TRIM44: variants seen among roughly 807,000 people sequenced by gnomAD.
The protein encoded by TRIM44 is tripartite motif containing 44.
Under a neutral mutation model 37.4 loss-of-function variants are expected in TRIM44, and 13 were observed. The observed-to-expected ratio is 0.35, with a 90% CI of 0.23 to 0.55. The LOEUF is 0.55. Ranked by LOEUF, TRIM44 falls within the 20% of genes least tolerant of loss-of-function variation. The probability of loss-of-function intolerance (pLI) is 0.89; values close to 1 mark genes in which losing one functional copy is unlikely to be tolerated. For missense variants in TRIM44, 426 were observed against 437.2 expected, an observed-to-expected ratio of 0.97 and a Z score of 0.23; for synonymous variants, 175 against 157.2, an observed-to-expected ratio of 1.11 and a Z score of -0.85.
At chr11:35,755,332 G>C (rs955400258) in intron 4 of TRIM44, among the ~76,000 whole-genome samples, 1 of 150,354 alleles carries the variant, frequency 6.7e-6, no homozygotes, top group African/African-American at 2.4e-5. Flanking sequence ...CATATCTTTT[G>C]CCCACTTGTT....
chr11:35,664,959 T>C (rs1194629906), intron 1 of TRIM44, among the ~76,000 whole-genome samples: 5 of 152,360 alleles, frequency 3.3e-5, no homozygotes, highest in African/African-American at 1.2e-4. Context: ...TATTTGAACT[T>C]GACACTATGG....
chr11:35,704,572 A>G (rs1043436812), intron 2 of TRIM44, among the ~76,000 whole-genome samples: 21 of 152,180 alleles, frequency 1.4e-4, no homozygotes, highest in African/African-American at 5.1e-4. Flanking sequence ...CTCGGCAGAA[A>G]CTCTACAAGC....
intron 4 of TRIM44, among the ~76,000 whole-genome samples, chr11:35,757,537 C>T (rs186416952): frequency 9.9e-4 from 150 of 152,268 alleles, no homozygotes; most frequent in African/African-American, 3.5e-3. Context: ...TTGCCTTCTG[C>T]TAACTTTTGA....
intron 4 of TRIM44, among the ~76,000 whole-genome samples, chr11:35,781,028 G>T (rs1469798809): frequency 6.6e-6 from 1 of 152,176 alleles, no homozygotes; most frequent in East Asian, 1.9e-4. Context: ...TGATAGTCAT[G>T]TGAGAAAGCA....
rs112299891 is a variant in TRIM44 at position 35,717,829 on chromosome 11, ATT to A, written c.748-8084_748-8083del. On this transcript the variant is annotated intron_variant, in intron 2 of 4. Coordinates refer to ENST00000299413, the MANE Select transcript of TRIM44 (RefSeq NM_017583.6). Reference sequence around the variant, plus strand: ...AAGTAGCTGAATTTCTCAGAGCCTCATTTTTTTTTTTTATTATAAAAAATGAA... The same window carrying A: ...AAGTAGCTGAATTTCTCAGAGCCTCATTTTTTTTTTATTATAAAAAATGAA... Among the ~76,000 whole-genome samples, 240 of 146,304 alleles carry A rather than the reference ATT, an allele frequency of 1.6e-3. 2 individuals carry two copies. The highest frequency in any genetic ancestry group is 5.8e-3 in the African/African-American group (233 of 40,270).
rs559167701 is a variant in TRIM44 at position 35,755,581 on chromosome 11, T to C, written c.1007+20136T>C. ...GTTTTAGACATGAAGTCCTTGCCCA[T>C]GCCTATATCCTGAATGGTAATGCCT... is the stretch of plus-strand genomic sequence containing the variant. On this transcript the variant is annotated intron_variant, in intron 4 of 4. Transcript: ENST00000299413. Among the ~76,000 whole-genome samples, 1,263 of 152,334 alleles carry C rather than the reference T, an allele frequency of 8.3e-3. 16 individuals are homozygous for C. The highest frequency in any genetic ancestry group is 0.028 in the African/African-American group (1,173 of 41,562).
chr11:35,759,559 G>A (rs1852694757), intron 4 of TRIM44, among the ~76,000 whole-genome samples: 1 of 152,308 alleles, frequency 6.6e-6, no homozygotes, highest in Non-Finnish European at 1.5e-5. Flanking sequence ...GCATTCCTTT[G>A]GAGGATGAGA....
chr11:35,668,508 T>G (rs1478843275), intron 1 of TRIM44, among the ~76,000 whole-genome samples: 1 of 152,244 alleles, frequency 6.6e-6, no homozygotes, highest in African/African-American at 2.4e-5. Context: ...GGATAATGGC[T>G]TCTGGCTCCA....
intron 2 of TRIM44, among the ~76,000 whole-genome samples, chr11:35,695,425 TG>T (rs1247833422): frequency 6.6e-6 from 1 of 152,202 alleles, no homozygotes; most frequent in Non-Finnish European, 1.5e-5. Context: ...CATTAAAATC[TG>T]GCAATTTTCT....
intron 4 of TRIM44, among the ~76,000 whole-genome samples, chr11:35,756,521 G>C (rs1852643480): frequency 6.6e-6 from 1 of 152,088 alleles, no homozygotes; most frequent in Non-Finnish European, 1.5e-5. Context: ...TGATTGCCCT[G>C]GCCAGAACTT....
intron 4 of TRIM44, among the ~76,000 whole-genome samples, 187 bp downstream of exon 4, chr11:35,735,632 C>A (rs560024078): frequency 3.3e-5 from 5 of 152,228 alleles, no homozygotes; most frequent in African/African-American, 1.2e-4. Flanking sequence ...TCATTTCCTG[C>A]CTGTAACCTT....
intron 1 of TRIM44, among the ~76,000 whole-genome samples, chr11:35,683,886 C>T (rs1851546021): frequency 6.6e-6 from 1 of 151,738 alleles, no homozygotes; most frequent in South Asian, 2.1e-4. Context: ...CCTTAAGGAA[C>T]TGAAAATATC....
chr11:35,803,249 C>G (rs1029726758), intron 4 of TRIM44, among the ~76,000 whole-genome samples: 1 of 149,624 alleles, frequency 6.7e-6, no homozygotes, highest in Non-Finnish European at 1.5e-5. Context: ...AACGTGCTGT[C>G]TGCCTAACAC....
chr11:35,676,398 C>T (rs1187189106), intron 1 of TRIM44, among the ~76,000 whole-genome samples: 2 of 152,174 alleles, frequency 1.3e-5, no homozygotes, highest in Non-Finnish European at 2.9e-5. Context: ...CCTTCTGTTC[C>T]TTCTGCCTGC....
chr11:35,704,386 A>G (rs572262887), intron 2 of TRIM44, among the ~76,000 whole-genome samples: 12 of 152,330 alleles, frequency 7.9e-5, no homozygotes, highest in Non-Finnish European at 2.9e-5. Flanking sequence ...GCAGGCCAAC[A>G]TTCAGATTCA....
chr11:35,721,885 G>GTC (rs1852113621), intron 2 of TRIM44, among the ~76,000 whole-genome samples: 3 of 152,200 alleles, frequency 2.0e-5, no homozygotes, highest in Non-Finnish European at 2.9e-5. Context: ...AGAAATAGGA[G>GTC]ATCTTGCCAT....
chr11:35,792,111 A>ACACACTCACACACT (rs796092540), intron 4 of TRIM44, among the ~76,000 whole-genome samples: 1 of 114,298 alleles, frequency 8.7e-6, no homozygotes, highest in African/African-American at 3.7e-5. Context: ...ACACACACAC[A>ACACACTCACACACT]CTCTCTCTCA....
In TRIM44 at chr11:35,816,759, A is replaced by G. The variant is rs1050359151; in HGVS notation, c.*10374A>G. On this transcript the variant is annotated 3_prime_UTR_variant, in exon 5 of 5. Transcript: ENST00000299413. ...CTTTGTTCTTTACTAACTCTGAACA[A>G]TTAAATGAGCAGATGGTCTACAGGG... is the stretch of plus-strand genomic sequence containing the variant. 3 of 152,216 alleles carry G rather than the reference A, an allele frequency of 2.0e-5. No homozygotes were observed. Among genetic ancestry groups the G allele is most frequent in the African/African-American group, 4.8e-5 (2 of 41,450 alleles). The allele number at this position is 152,216 out of a possible 1,614,324, so 9.4% of individuals were successfully genotyped here. A position where few individuals can be genotyped will look rare whatever the true frequency, so the allele number is the denominator to read the frequency against.
At chr11:35,664,887 T>G (rs774580247) in intron 1 of TRIM44, among the ~76,000 whole-genome samples, 6 of 152,242 alleles carry the variant, frequency 3.9e-5, no homozygotes, top group Non-Finnish European at 4.4e-5. Context: ...TAATCTTGAC[T>G]TCTGTGATCA....
Sources: gnomAD v4.1 joint callset for allele counts (sites outside exome capture counted in the v4.1 genomes callset) on GRCh38, gnomAD v4.1.1 for gene constraint, MANE v1.5 for transcripts, NCBI Gene and HGNC (gene_info 2026-07-23, HGNC 2026-07-21) for gene names.